Variants in SKIC3 observed in about 807,000 individuals in gnomAD.
SKIC3 encodes superkiller complex protein 3.
the SKIC3 span, among the ~76,000 whole-genome samples, chr5:95,511,300 G>C: frequency 6.6e-6 from 1 of 152,184 alleles, no homozygotes; most frequent in Non-Finnish European, 1.5e-5. Context: ...ACGCCTACCT[G>C]CTAATCGGAA....
chr5:95,521,925 C>A, the SKIC3 span: 2 of 1,121,032 alleles, frequency 1.8e-6, no homozygotes, highest in East Asian at 5.0e-5. Flanking sequence ...GTAAGAGGTT[C>A]ATATGGATGC....
chr5:95,554,720 G>A, the SKIC3 span, among the ~76,000 whole-genome samples: 1 of 110,198 alleles, frequency 9.1e-6, no homozygotes, highest in Non-Finnish European at 1.8e-5. Flanking sequence ...ACCTGAGGCG[G>A]TCCACCCAGA....
the SKIC3 span, among the ~76,000 whole-genome samples, chr5:95,522,659 A>G: frequency 6.6e-6 from 1 of 152,160 alleles, no homozygotes; most frequent in Non-Finnish European, 1.5e-5. Flanking sequence ...TTTACCAAAC[A>G]GAAATACCAC....
chr5:95,545,479 C>T, the SKIC3 span, among the ~76,000 whole-genome samples: 1 of 152,162 alleles, frequency 6.6e-6, no homozygotes, highest in Non-Finnish European at 1.5e-5. Context: ...CTGGAACTCC[C>T]AATCTGGGTC....
chr5:95,464,797 T>C, the SKIC3 span: 4 of 769,890 alleles, frequency 5.2e-6, no homozygotes, highest in Non-Finnish European at 9.0e-6. Context: ...AACATCAAAC[T>C]ATACTAGGAA....
At chr5:95,469,877 C>G in the SKIC3 span, 1 of 1,614,086 alleles carries the variant, frequency 6.2e-7, no homozygotes, top group Non-Finnish European at 8.5e-7. Flanking sequence ...GCCTCTTGAA[C>G]CAAAGATGGC....
At chr5:95,540,221 C>T in the SKIC3 span, among the ~76,000 whole-genome samples, 593 of 152,190 alleles carry the variant, frequency 3.9e-3, 4 homozygotes, top group South Asian at 7.3e-3. Flanking sequence ...CTCACTCATA[C>T]GTGAACATAT....
chr5:95,554,940 A>G, the SKIC3 span: 250 of 238,622 alleles, frequency 1.0e-3, 3 homozygotes, highest in African/African-American at 5.5e-3. Context: ...ACCCACCTGG[A>G]GCAGATGCTC....
chr5:95,527,766 C>G, the SKIC3 span, among the ~76,000 whole-genome samples: 27 of 152,142 alleles, frequency 1.8e-4, no homozygotes, highest in East Asian at 4.2e-3. Context: ...AAGGAAGAAA[C>G]GAGAATGAAG....
At chr5:95,488,629 A>G in the SKIC3 span, among the ~76,000 whole-genome samples, 3 of 152,236 alleles carry the variant, frequency 2.0e-5, no homozygotes, top group African/African-American at 7.2e-5. Flanking sequence ...CCAGACAAGT[A>G]AAAGTTGAAT....
chr5:95,466,665 G>A, the SKIC3 span, among the ~76,000 whole-genome samples: 2 of 152,186 alleles, frequency 1.3e-5, no homozygotes, highest in Non-Finnish European at 2.9e-5. Context: ...GACAATTCAT[G>A]CATGGACATT....
chr5:95,480,954 G>T, the SKIC3 span, among the ~76,000 whole-genome samples: 1 of 152,044 alleles, frequency 6.6e-6, no homozygotes, highest in African/African-American at 2.4e-5. Flanking sequence ...TTTTGGGGTG[G>T]GGGGAGTCAA....
the SKIC3 span, among the ~76,000 whole-genome samples, chr5:95,534,747 G>A: frequency 7.2e-4 from 110 of 151,996 alleles, no homozygotes; most frequent in Middle Eastern, 3.4e-3. Context: ...AGCCAGCACT[G>A]CCCAAAGTAC....
the SKIC3 span, chr5:95,512,595 C>A: frequency 6.3e-5 from 101 of 1,613,800 alleles, no homozygotes; most frequent in Non-Finnish European, 7.9e-5. Flanking sequence ...AGACCCAATA[C>A]GCATAACCTA....
chr5:95,467,349 T>C, the SKIC3 span, among the ~76,000 whole-genome samples: 18 of 152,286 alleles, frequency 1.2e-4, no homozygotes, highest in East Asian at 3.5e-3. Flanking sequence ...GGTTAGTATC[T>C]AATTACTTAC....
the SKIC3 span, among the ~76,000 whole-genome samples, chr5:95,531,183 A>G: frequency 9.9e-5 from 15 of 152,212 alleles, no homozygotes; most frequent in Non-Finnish European, 1.8e-4. Context: ...AATACCATGT[A>G]GCTCATATAT....
chr5:95,483,008 T>C, the SKIC3 span, among the ~76,000 whole-genome samples: 3 of 152,264 alleles, frequency 2.0e-5, no homozygotes, highest in East Asian at 5.8e-4. Context: ...TAAACTATAC[T>C]ATGTAAGAAG....
chr5:95,509,522 CCAGT>C, the SKIC3 span: 1 of 1,159,904 alleles, frequency 8.6e-7, no homozygotes, highest in Non-Finnish European at 1.3e-6. Context: ...AACGCACAGG[CCAGT>C]CAGAGATTCT....
chr5:95,512,628 A>G, the SKIC3 span: 1 of 1,613,914 alleles, frequency 6.2e-7, no homozygotes, highest in Admixed American at 1.7e-5. Flanking sequence ...TCTTTAAAAA[A>G]GCCAACGTTA....
Sources: allele counts gnomAD v4.1 joint callset (sites outside exome capture counted in the v4.1 genomes callset), GRCh38; gene constraint gnomAD v4.1.1; transcripts MANE v1.5; gene names NCBI Gene and HGNC (gene_info 2026-07-23, HGNC 2026-07-21).